Variants in DNAJC6 observed in about 807,000 individuals in gnomAD.
DNAJC6 encodes DnaJ heat shock protein family (Hsp40) member C6.
In DNAJC6, 34 loss-of-function variants were observed where a neutral mutation model predicts 110.0. That is an observed-to-expected ratio of 0.31 (90% CI 0.24 to 0.41). The LOEUF (loss-of-function observed/expected upper bound fraction) is 0.41, where lower values mean the gene tolerates loss of function less well. Ranked by LOEUF, DNAJC6 falls within the 10% of genes least tolerant of loss-of-function variation. The probability of loss-of-function intolerance (pLI) is 1.00; values close to 1 mark genes in which losing one functional copy is unlikely to be tolerated. For missense variants in DNAJC6, 1,031 were observed against 1,207.8 expected, an observed-to-expected ratio of 0.85 and a Z score of 2.17; for synonymous variants, 406 against 437.2, an observed-to-expected ratio of 0.93 and a Z score of 0.89.
At chr1:65,284,824 A>C (rs1653963616) in intron 1 of DNAJC6, among the ~76,000 whole-genome samples, 1 of 151,940 alleles carries the variant, frequency 6.6e-6, no homozygotes, top group East Asian at 1.9e-4. Context: ...AAGTAGCTGG[A>C]ATTACAGGCA....
At chr1:65,272,920 G>T (rs1371237725) in intron 1 of DNAJC6, among the ~76,000 whole-genome samples, 1 of 152,052 alleles carries the variant, frequency 6.6e-6, no homozygotes, top group African/African-American at 2.4e-5. Context: ...TTAGGAATTT[G>T]TCCATTTCAT....
In DNAJC6 at chr1:65,394,913, C is replaced by T. The variant is rs1205158786; in HGVS notation, c.1919C>T (p.Pro640Leu). Residue 640 changes from proline to leucine, a missense_variant, in exon 13 of 19, where the codon CCA becomes CTA. Pro to Leu is a moderately conservative substitution (Grantham distance 98). Coordinates refer to ENST00000371069, the MANE Select transcript of DNAJC6 (RefSeq NM_001256864.2). Reference sequence around the variant, plus strand: ...TGTTTTCTAGGTGCCACCTTTGACCCATTTGGAGCACCTTCTAAACCATCA... The same window carrying T: ...TGTTTTCTAGGTGCCACCTTTGACCTATTTGGAGCACCTTCTAAACCATCA... Reference protein sequence around the residue: ...LRVGEGATFDPFGAPSKPSGQ... With the variant: ...LRVGEGATFDLFGAPSKPSGQ... 3 of 1,601,086 alleles carry T rather than the reference C, an allele frequency of 1.9e-6. No homozygotes were observed. The highest frequency in any genetic ancestry group is 1.1e-5 in the South Asian group (1 of 87,988).
chr1:65,395,572 T>C (rs1486934803), intron 13 of DNAJC6, among the ~76,000 whole-genome samples: 1 of 152,120 alleles, frequency 6.6e-6, no homozygotes, highest in Non-Finnish European at 1.5e-5. Context: ...AAGTATAAAA[T>C]ACATACCAGA....
At chr1:65,337,009 T>A (rs1456318756) in intron 1 of DNAJC6, among the ~76,000 whole-genome samples, 1 of 151,882 alleles carries the variant, frequency 6.6e-6, no homozygotes, top group Non-Finnish European at 1.5e-5. Context: ...TTTGTTGTTG[T>A]TGTTGTTGTT....
In DNAJC6 at chr1:65,401,876, A is replaced by T. The variant is rs879255554; in HGVS notation, c.2223A>T (p.Thr741=). 6 of 1,613,290 alleles carry T rather than the reference A, an allele frequency of 3.7e-6. No individual in the cohort carries two copies. The highest frequency in any genetic ancestry group is 5.1e-6 in the Non-Finnish European group (6 of 1,179,860). ...QTLDPFADLG[T]LGSSSFASKP... is the part of the protein sequence containing the mutation. ...TGGATCCTTTTGCCGACCTTGGGAC[A>T]CTAGGTACAAACTCAGAAGATCAAG... The change falls in exon 15 of 19, where the codon ACA becomes ACT. Residue 741 remains threonine, a synonymous_variant. Coordinates refer to ENST00000371069, the MANE Select transcript of DNAJC6 (RefSeq NM_001256864.2).
At chr1:65,290,311 A>G (rs981101858) in intron 1 of DNAJC6, among the ~76,000 whole-genome samples, 1 of 152,002 alleles carries the variant, frequency 6.6e-6, no homozygotes, top group Non-Finnish European at 1.5e-5. Flanking sequence ...TGTGGTTTAT[A>G]TTTTCACTTT....
At chr1:65,336,401 TG>T (rs1443377773) in intron 1 of DNAJC6, among the ~76,000 whole-genome samples, 1 of 152,090 alleles carries the variant, frequency 6.6e-6, no homozygotes, top group Non-Finnish European at 1.5e-5. Context: ...GAGATTTGGG[TG>T]GGGACACAGC....
intron 17 of DNAJC6, among the ~76,000 whole-genome samples, chr1:65,410,489 A>G (rs1358295247): frequency 6.6e-6 from 1 of 152,162 alleles, no homozygotes; most frequent in African/African-American, 2.4e-5. Flanking sequence ...ATTTCATTTA[A>G]ACCATGTTTG....
intron 1 of DNAJC6, among the ~76,000 whole-genome samples, chr1:65,274,582 G>T (rs1653604100): frequency 6.6e-6 from 1 of 152,226 alleles, no homozygotes; most frequent in Non-Finnish European, 1.5e-5. Context: ...CTCCCAAAGT[G>T]CTGGGATTAC....
intron 1 of DNAJC6, among the ~76,000 whole-genome samples, chr1:65,311,909 A>G (rs774961910): frequency 2.6e-5 from 4 of 152,206 alleles, no homozygotes; most frequent in Non-Finnish European, 4.4e-5. Context: ...GTGAGGGAAC[A>G]CAGTAGTGAA....
At chr1:65,352,691 C>A (rs940702418) in intron 1 of DNAJC6, among the ~76,000 whole-genome samples, 6 of 152,142 alleles carry the variant, frequency 3.9e-5, no homozygotes, top group Non-Finnish European at 7.3e-5. Context: ...CATCCACAAC[C>A]ACTGCTACTT....
chr1:65,289,660 T>C (rs1570224103), intron 1 of DNAJC6, among the ~76,000 whole-genome samples: 1 of 152,178 alleles, frequency 6.6e-6, no homozygotes, highest in African/African-American at 2.4e-5. Flanking sequence ...ATCTAGACTT[T>C]CCCAGCCACC....
At chr1:65,291,290 C>T (rs1644873082) in intron 1 of DNAJC6, among the ~76,000 whole-genome samples, 2 of 152,202 alleles carry the variant, frequency 1.3e-5, no homozygotes, top group Admixed American at 1.3e-4. Context: ...ACCTTGGCCT[C>T]CCAAACTGCT....
intron 4 of DNAJC6, among the ~76,000 whole-genome samples, chr1:65,372,006 A>G (rs565738044): frequency 1.3e-5 from 2 of 152,320 alleles, no homozygotes; most frequent in East Asian, 3.9e-4. Flanking sequence ...TTATATATCA[A>G]GTAAATATAT....
intron 11 of DNAJC6, among the ~76,000 whole-genome samples, chr1:65,392,169 A>G (rs1004005846): frequency 6.6e-6 from 1 of 152,220 alleles, no homozygotes; most frequent in Non-Finnish European, 1.5e-5. Flanking sequence ...GCCAGTGAGT[A>G]GTGAAGCTGA....
chr1:65,394,029 C>T (rs1190720011), intron 12 of DNAJC6, among the ~76,000 whole-genome samples: 1 of 152,206 alleles, frequency 6.6e-6, no homozygotes, highest in Admixed American at 6.5e-5. Context: ...ACTTCACTTC[C>T]TTCCATACAG....
At chr1:65,397,198 G>T (rs559700756) in intron 13 of DNAJC6, among the ~76,000 whole-genome samples, 1 of 152,160 alleles carries the variant, frequency 6.6e-6, no homozygotes, top group Non-Finnish European at 1.5e-5. Context: ...TCATTTCACT[G>T]TTACTGAATC....
intron 1 of DNAJC6, among the ~76,000 whole-genome samples, chr1:65,313,527 C>T (rs1645121454): frequency 6.6e-6 from 1 of 152,162 alleles, no homozygotes; most frequent in South Asian, 2.1e-4. Context: ...TGGTAGGAGA[C>T]CTATCAAAGG....
At chr1:65,349,067 T>C (rs1645465010) in intron 1 of DNAJC6, among the ~76,000 whole-genome samples, 2 of 136,814 alleles carry the variant, frequency 1.5e-5, no homozygotes, top group South Asian at 2.2e-4. Flanking sequence ...TATATGTAAA[T>C]ACATATATAA....
Sources: gnomAD v4.1 joint callset for allele counts (sites outside exome capture counted in the v4.1 genomes callset) on GRCh38, gnomAD v4.1.1 for gene constraint, MANE v1.5 for transcripts, NCBI Gene and HGNC (gene_info 2026-07-23, HGNC 2026-07-21) for gene names.